Variants in TULP2 observed in about 807,000 individuals in gnomAD.
TULP2 encodes TUB like protein 2, also known as tubby-related protein 2.
TULP2 carries 64 observed loss-of-function variants against 60.3 expected under a neutral mutation model. The ratio of observed to expected loss-of-function variants is 1.06; its 90% CI spans 0.87 to 1.31. The LOEUF (loss-of-function observed/expected upper bound fraction) is 1.31. Ranked by LOEUF, TULP2 falls within the 50% of genes most tolerant of loss-of-function variation. The pLI is 0.00. For synonymous variants in TULP2, 267 were observed against 265.4 expected (o/e 1.01, Z -0.06); for missense variants, 652 against 667.0 (o/e 0.98, Z 0.25).
chr19:48,896,373 A>C (rs1600030486), intron 4 of TULP2, 57 bp downstream of exon 4: 2 of 1,138,234 alleles, frequency 1.8e-6, no homozygotes, highest in Non-Finnish European at 2.3e-6. Context: ...GGCCCCGCCC[A>C]CAGACTCCCA....
chr19:48,887,950 CTG>C lies in TULP2; in HGVS notation c.946_947del (p.Gln316AlafsTer16). 1 of 1,607,140 alleles carries C rather than the reference CTG, an allele frequency of 6.2e-7. No homozygotes were observed. The highest frequency in any genetic ancestry group is 2.2e-5 in the East Asian group (1 of 44,646). On this transcript the variant is annotated frameshift_variant and splice_region_variant, in exon 8 of 13. Transcript: ENST00000221399. LOFTEE classifies it high-confidence loss of function. ...AAGCTGTTGGGCTGGCTTACTGCAC[CTG>C]CAGGCTGTCAGAGGTCTCCAGGTAG... ...YLYLETSDSL[Q>X]RFLLAGRKRR...
intron 11 of TULP2, among the ~76,000 whole-genome samples, chr19:48,882,793 C>T (rs1000674338): frequency 9.9e-5 from 15 of 152,242 alleles, no homozygotes; most frequent in African/African-American, 2.6e-4. Flanking sequence ...TTGCTTGGAC[C>T]GGTACAAGCA....
rs537711937 is a variant in TULP2 at position 48,882,374 on chromosome 19, A to G, written c.1276-171T>C. 5.9e-5 allele frequency among the ~76,000 whole-genome samples: 9 copies of G among 152,320 alleles called. No homozygotes were observed. The East Asian group carries it at 1.7e-3, about 29-fold the overall frequency. On this transcript the variant is annotated intron_variant, in intron 11 of 12. Transcript: ENST00000221399. ...CAGGAGGTTAGGCATTCTTAGTCACAGGATGAGACAGGAGTTTGACAGGAC... is the reference window on the plus strand; with the variant it reads ...CAGGAGGTTAGGCATTCTTAGTCACGGGATGAGACAGGAGTTTGACAGGAC...
At chr19:48,891,196 C>T (rs1397578013) in intron 6 of TULP2, among the ~76,000 whole-genome samples, 1 of 149,986 alleles carries the variant, frequency 6.7e-6, no homozygotes, top group African/African-American at 2.5e-5. Context: ...TGGTGGCCGG[C>T]GCCTGTAGTC....
intron 7 of TULP2, among the ~76,000 whole-genome samples, chr19:48,889,178 G>A (rs1451259532): frequency 4.6e-5 from 7 of 151,342 alleles, no homozygotes; most frequent in African/African-American, 1.5e-4. Flanking sequence ...GTTTCACCAC[G>A]TTGGCCAGGC....
At chr19:48,889,345 T>TGCAC (rs372478890) in intron 7 of TULP2, among the ~76,000 whole-genome samples, 165 bp downstream of exon 7, 21 of 151,796 alleles carry the variant, frequency 1.4e-4, no homozygotes, top group South Asian at 4.2e-4. Context: ...CACACACACA[T>TGCAC]GCACGCACGC....
Position 48,885,548 on chromosome 19 carries a change from C to A in TULP2, c.961G>T (p.Ala321Ser), listed in dbSNP as rs759533435. 2 of 1,613,736 alleles carry A rather than the reference C, an allele frequency of 1.2e-6. No homozygotes were observed. The highest frequency in any genetic ancestry group is 2.2e-5 in the East Asian group (1 of 44,858). The change falls in exon 9 of 13, where the codon GCT becomes TCT. Residue 321 changes from alanine to serine, a missense_variant. By Grantham distance (99) the Ala-to-Ser change is moderately conservative. Coordinates refer to ENST00000221399, the MANE Select transcript of TULP2 (RefSeq NM_003323.3). ...TTGCTCCTTCTTCTCTTTCGCCCAG[C>A]CAGGAGGAAGCGCTATGGATGAGAG... ...TSDSLQRFLL[A>S]GRKRRRSKTS...
chr19:48,886,850 T>C lies in TULP2; in HGVS notation c.948+1100A>G, dbSNP rs540219577. Among the ~76,000 whole-genome samples the C allele has an allele frequency of 7.9e-5, 12 of 151,264 alleles. No homozygotes were observed. The South Asian group carries it at 2.5e-3, about 32-fold the overall frequency. ...CCTCAGCCTCCCAAGTAGCTGGGAC[T>C]ACAGGTGGGCACCACCAGGCCTGGC... is the stretch of plus-strand genomic sequence containing the variant. On this transcript the variant is annotated intron_variant, in intron 8 of 12. Transcript: ENST00000221399.
chr19:48,891,849 G>T (rs2037236318), intron 6 of TULP2, among the ~76,000 whole-genome samples: 1 of 152,100 alleles, frequency 6.6e-6, no homozygotes, highest in Non-Finnish European at 1.5e-5. Context: ...GGTGGGGAGA[G>T]GGTCAGCAGG....
In TULP2 at chr19:48,897,818, C is replaced by T; in HGVS notation, c.32+19G>A. On this transcript the variant is annotated intron_variant, in intron 2 of 12. Coordinates refer to ENST00000221399, the MANE Select transcript of TULP2 (RefSeq NM_003323.3). The surrounding 1 kb of genome is among the most constrained non-coding windows in gnomAD (Gnocchi z 4.0). ...AGCCCTTTCCACCTCCACCCCTACCCATCTGTTTCCCTACTCACTCTCTCA... is the reference window on the plus strand; with the variant it reads ...AGCCCTTTCCACCTCCACCCCTACCTATCTGTTTCCCTACTCACTCTCTCA... 6.2e-7 allele frequency: 1 copy of T among 1,613,728 alleles called. No homozygotes were observed. Among genetic ancestry groups the T allele is most frequent in the Non-Finnish European group, 8.5e-7 (1 of 1,179,838 alleles).
chr19:48,886,078 G>A lies in TULP2; in HGVS notation c.949-518C>T, dbSNP rs187580381. Among the ~76,000 whole-genome samples the A allele has an allele frequency of 3.3e-3, 503 of 151,826 alleles. 2 individuals carry two copies. Among genetic ancestry groups the A allele is most frequent in the African/African-American group, 0.011 (462 of 41,412 alleles). On this transcript the variant is annotated intron_variant, in intron 8 of 12. Transcript: ENST00000221399. ...TCCCAGCACTTTGGGAGGCCCAGGC[G>A]GGCAGATCACGAGGTAAGGAGATTG...
At chr19:48,887,830 T>G (rs1340246339) in intron 8 of TULP2, 120 bp downstream of exon 8, 5 of 1,091,770 alleles carry the variant, frequency 4.6e-6, no homozygotes, top group African/African-American at 1.6e-5. Flanking sequence ...AGTGCTGGGA[T>G]TATAGGCGTG....
In TULP2 at chr19:48,897,470, A is replaced by C; in HGVS notation, c.33-74T>G. 5 of 1,485,226 alleles carry C rather than the reference A, an allele frequency of 3.4e-6. No individual in the cohort carries two copies. Among genetic ancestry groups the C allele is most frequent in the Non-Finnish European group, 4.6e-6 (5 of 1,075,450 alleles). The allele number at this position is 1,485,226 out of a possible 1,614,324, so 92.0% of individuals were successfully genotyped here. On this transcript the variant is annotated intron_variant, in intron 2 of 12. Transcript: ENST00000221399. The surrounding 1 kb of genome is among the most constrained non-coding windows in gnomAD (Gnocchi z 4.0). ...GCCCAAGAGAGTCCCTCCTTCCCCC[A>C]TCCTGCCCCTATCTCAGCTTGGGTT...
At chr19:48,895,281 G>C (rs2122141549) in intron 5 of TULP2, 85 bp downstream of exon 5, 1 of 1,581,158 alleles carries the variant, frequency 6.3e-7, no homozygotes, top group East Asian at 2.2e-5. Context: ...TGAGTATTTT[G>C]GACAGATGGA....
At position 48,883,872 on chromosome 19, in the gene TULP2, G is replaced by T; in HGVS notation, c.1177-20C>A. 1 of 1,614,012 alleles carries T rather than the reference G, an allele frequency of 6.2e-7. No individual in the cohort carries two copies. The highest frequency in any genetic ancestry group is 8.5e-7 in the Non-Finnish European group (1 of 1,179,986). ...GGGCTCCTGGGGGTATTACATTCCA[G>T]TTGGCCTGGTTCCTTCTTCTGACTA... On this transcript the variant is annotated intron_variant, in intron 10 of 12. Coordinates refer to ENST00000221399, the MANE Select transcript of TULP2 (RefSeq NM_003323.3).
chr19:48,881,182 G>A (rs1449307163), intron 12 of TULP2, 56 bp from the exon 13 acceptor site: 10 of 935,410 alleles, frequency 1.1e-5, no homozygotes, highest in South Asian at 1.6e-5. Flanking sequence ...TCCCAGCTTC[G>A]AGAACTGAGA....
chr19:48,884,908 CTTTTTTTTTTTTTT>C (rs745788084), intron 9 of TULP2, among the ~76,000 whole-genome samples: 3 of 97,364 alleles, frequency 3.1e-5, no homozygotes, highest in South Asian at 3.2e-4. Flanking sequence ...TAGGAACCCT[CTTTTTTTTTTTTTT>C]TTTTTTTTTT....
chr19:48,895,655 G>A (rs1027826977), intron 4 of TULP2, 152 bp from the exon 5 acceptor site: 270 of 934,724 alleles, frequency 2.9e-4, no homozygotes, highest in Non-Finnish European at 1.8e-4. Flanking sequence ...CGAGGCAGGC[G>A]GATCACCTGA....
At position 48,896,686 on chromosome 19, in the gene TULP2, C is replaced by T. The variant is rs746355241; in HGVS notation, c.85-130G>A. 9.8e-5 allele frequency: 109 copies of T among 1,107,812 alleles called. No individual in the cohort carries two copies. The Middle Eastern group carries it at 1.2e-3, about 12-fold the overall frequency. The allele number at this position is 1,107,812 out of a possible 1,614,324, so 68.6% of individuals were successfully genotyped here. A position where few individuals can be genotyped will look rare whatever the true frequency, so the allele number is the denominator to read the frequency against. On this transcript the variant is annotated intron_variant, in intron 3 of 12. Coordinates refer to ENST00000221399, the MANE Select transcript of TULP2 (RefSeq NM_003323.3). ...ACCCCTTCCTCCACTGGGGCCCACA[C>T]GTCCAGGCCCTCAGTTCTTCAGCAG...
Sources: gnomAD v4.1 joint callset for allele counts (sites outside exome capture counted in the v4.1 genomes callset) on GRCh38, gnomAD v4.1.1 for gene constraint, Gnocchi (gnomAD v3.1) non-coding constraint, MANE v1.5 for transcripts, NCBI Gene and HGNC (gene_info 2026-07-23, HGNC 2026-07-21) for gene names.